Variants in TRIM26 observed in about 807,000 individuals in gnomAD.
TRIM26 encodes tripartite motif containing 26, also known as tripartite motif-containing protein 26.
A neutral mutation model predicts 45.5 loss-of-function variants in TRIM26; 16 were observed. The observed-to-expected ratio is 0.35, with a 90% CI of 0.24 to 0.53. The LOEUF is 0.53. Among genes scored for constraint, TRIM26 ranks in the 20% least tolerant of loss-of-function variants. The pLI is 0.92. For missense variants in TRIM26, 442 were observed against 691.1 expected, an observed-to-expected ratio of 0.64 and a Z score of 4.04; for synonymous variants, 273 against 290.4, an observed-to-expected ratio of 0.94 and a Z score of 0.61.
chr6:30,185,311 C>T lies in TRIM26; in HGVS notation c.*565G>A, dbSNP rs1045073965. 2.0e-5 allele frequency: 3 copies of T among 152,968 alleles called. No homozygotes were observed. Among genetic ancestry groups the T allele is most frequent in the Non-Finnish European group, 2.9e-5 (2 of 68,766 alleles). The allele number at this position is 152,968 out of a possible 1,614,324, so 9.5% of individuals were successfully genotyped here. ...ACTCTGGACCCCATGAGATGATATG[C>T]GCTGGTACTCCAGGCTTTAAATGGC... On this transcript the variant is annotated 3_prime_UTR_variant, in exon 10 of 10. Transcript: ENST00000454678. This position sits in a 1 kb window ranked among gnomAD's most constrained non-coding sequence, Gnocchi z 5.7.
chr6:30,201,652 T>C lies in TRIM26; in HGVS notation c.-265-514A>G, dbSNP rs375957590. ...CAATGTCAGGAGATTGAGACCATCC[T>C]GGCTAACACGGTGAAACCCCATCTC... On this transcript the variant is annotated intron_variant, in intron 2 of 9. Coordinates refer to ENST00000454678, the MANE Select transcript of TRIM26 (RefSeq NM_003449.5). Among the ~76,000 whole-genome samples, 45 of 152,256 alleles carry C rather than the reference T, an allele frequency of 3.0e-4. 5 individuals are homozygous for C. Among genetic ancestry groups the C allele is most frequent in the East Asian group, 2.5e-3 (13 of 5,178 alleles).
chr6:30,208,902 ATATGTG>A (rs1450687743), intron 1 of TRIM26, among the ~76,000 whole-genome samples: 90 of 74,578 alleles, frequency 1.2e-3, no homozygotes, highest in African/African-American at 3.6e-3. Flanking sequence ...GGGATATAGA[ATATGTG>A]TGTGTGTGTG....
At position 30,186,068 on chromosome 6, in the gene TRIM26, G is replaced by A. The variant is rs563566749; in HGVS notation, c.1428C>T (p.Pro476=). 27 of 1,597,714 alleles carry A rather than the reference G, an allele frequency of 1.7e-5. No homozygotes were observed. Among genetic ancestry groups the A allele is most frequent in the Middle Eastern group, 1.7e-4 (1 of 6,046 alleles). ...SSSGIWANTS[P]EAELFPALRP... The stretch of plus-strand genomic sequence containing the variant: ...GCAGTGCTGGGAAAAGCTCAGCCTC[G>A]GGGCTGGTGTTGGCCCAGATGCCGG... Residue 476 remains proline (P), a synonymous_variant, in exon 10 of 10, where the codon CCC becomes CCT. Coordinates refer to ENST00000454678, the MANE Select transcript of TRIM26 (RefSeq NM_003449.5). The surrounding 1 kb of genome is among the most constrained non-coding windows in gnomAD (Gnocchi z 7.4).
chr6:30,187,214 T>A, intron 9 of TRIM26: 1 of 275,110 alleles, frequency 3.6e-6, no homozygotes, highest in Non-Finnish European at 7.5e-6. Flanking sequence ...TATAACAACA[T>A]TTTCAATTTC....
At chr6:30,192,910 G>A (rs1358330289) in intron 6 of TRIM26, among the ~76,000 whole-genome samples, 3 of 151,566 alleles carry the variant, frequency 2.0e-5, no homozygotes, top group Non-Finnish European at 2.9e-5. Context: ...TAAAGAGACT[G>A]TCCCTTCCCC....
chr6:30,187,419 C>A, intron 9 of TRIM26: 1 of 459,578 alleles, frequency 2.2e-6, no homozygotes, highest in East Asian at 6.4e-5. Flanking sequence ...TCCATTTGTT[C>A]CTCTGATCTC....
chr6:30,186,801 T>G lies in TRIM26; in HGVS notation c.938-243A>C. Reference sequence around the variant, plus strand: ...GATATACTGAAATTTAACTTGACTGTTTTCGCTTACGCTCTGATTCCAAAC... The same window carrying G: ...GATATACTGAAATTTAACTTGACTGGTTTCGCTTACGCTCTGATTCCAAAC... On this transcript the variant is annotated intron_variant, in intron 9 of 9. Transcript: ENST00000454678. The surrounding 1 kb of genome is among the most constrained non-coding windows in gnomAD (Gnocchi z 7.4). 1 of 1,106,184 alleles carries G rather than the reference T, an allele frequency of 9.0e-7. No individual in the cohort carries two copies. Among genetic ancestry groups the G allele is most frequent in the Non-Finnish European group, 1.4e-6 (1 of 739,546 alleles). 68.5% of individuals were successfully genotyped at this position (1,106,184 alleles called of 1,614,324 possible).
At chr6:30,187,955 C>T in intron 9 of TRIM26, among the ~76,000 whole-genome samples, 1 of 139,308 alleles carries the variant, frequency 7.2e-6, no homozygotes, top group Non-Finnish European at 1.5e-5. Context: ...CGCGGTGGCT[C>T]ACGCCTGTAA....
rs146463554 is a variant in TRIM26, at chr6:30,187,533, C to T, written c.938-975G>A. On this transcript the variant is annotated intron_variant, in intron 9 of 9. Coordinates refer to ENST00000454678, the MANE Select transcript of TRIM26 (RefSeq NM_003449.5). ...TTGATCTTTAATGTCATATTCAGTC[C>T]GACATCTTTGAAGTAGAAATTGGCG... 7.8e-3 allele frequency: 3,959 copies of T among 509,104 alleles called. 49 individuals are homozygous for T. The highest frequency in any genetic ancestry group is 0.027 in the Middle Eastern group (38 of 1,400). The allele number at this position is 509,104 out of a possible 1,614,324, so 31.5% of individuals were successfully genotyped here.
intron 1 of TRIM26, among the ~76,000 whole-genome samples, chr6:30,210,545 C>G (rs181358943): frequency 4.3e-4 from 66 of 152,308 alleles, no homozygotes; most frequent in Non-Finnish European, 6.8e-4. Context: ...CACAGTGCTT[C>G]ATACAGTAGC....
chr6:30,197,987 C>T (rs1381429896), intron 5 of TRIM26, among the ~76,000 whole-genome samples: 4 of 152,212 alleles, frequency 2.6e-5, no homozygotes, highest in Non-Finnish European at 1.5e-5. Flanking sequence ...CCTGCCTTAG[C>T]TGTTTTCTAG....
rs1778492323 is a variant in TRIM26, at chr6:30,213,359, G to C, written c.-430C>G. 1 of 152,348 alleles carries C rather than the reference G, an allele frequency of 6.6e-6. No individual in the cohort carries two copies. The highest frequency in any genetic ancestry group is 1.5e-5 in the Non-Finnish European group (1 of 68,146). 9.4% of individuals were successfully genotyped at this position (152,348 alleles called of 1,614,324 possible). On this transcript the variant is annotated 5_prime_UTR_variant, in exon 1 of 10. Transcript: ENST00000454678. ...GCCGGCACCCCTCCTCTCTCACGGC[G>C]GTCTGTTCCGGGTCCCGCTCCTGCA...
chr6:30,187,160 A>C, intron 9 of TRIM26: 1 of 281,004 alleles, frequency 3.6e-6, no homozygotes, highest in South Asian at 3.8e-5. Flanking sequence ...GGGTTCTACA[A>C]GCTTCAAGAG....
In TRIM26 at chr6:30,189,328, C is replaced by T. The variant is rs773484872; in HGVS notation, c.904+90G>A. The T allele has an allele frequency of 1.5e-5, 23 of 1,567,980 alleles. No homozygotes were observed. Among genetic ancestry groups the T allele is most frequent in the South Asian group, 3.3e-5 (3 of 90,140 alleles). Reference sequence around the variant, plus strand: ...AAGAGGCCCTCAGAAGAGTGAGGATCGACAAGGTGATGGAAAGGAGCTGGG... The same window carrying T: ...AAGAGGCCCTCAGAAGAGTGAGGATTGACAAGGTGATGGAAAGGAGCTGGG... On this transcript the variant is annotated intron_variant, in intron 8 of 9. Coordinates refer to ENST00000454678, the MANE Select transcript of TRIM26 (RefSeq NM_003449.5). The surrounding 1 kb of genome is among the most constrained non-coding windows in gnomAD (Gnocchi z 5.0).
At chr6:30,188,458 C>A in intron 9 of TRIM26, 1 of 271,798 alleles carries the variant, frequency 3.7e-6, no homozygotes. Context: ...ATTAGAATAA[C>A]CTGATAGGTA....
In TRIM26 at chr6:30,196,839, G is replaced by A. The variant is rs1776531223; in HGVS notation, c.535-93C>T. 12 of 1,232,854 alleles carry A rather than the reference G, an allele frequency of 9.7e-6. No individual in the cohort carries two copies. In the South Asian group the frequency reaches 1.3e-4, roughly 14 times the overall value. 76.4% of individuals were successfully genotyped at this position (1,232,854 alleles called of 1,614,324 possible). ...TGTGCAAGGCTGGCTCGTTCACCTC[G>A]CTACCCCCGTTCAGGAATTCTACAG... On this transcript the variant is annotated intron_variant, in intron 5 of 9. Coordinates refer to ENST00000454678, the MANE Select transcript of TRIM26 (RefSeq NM_003449.5). This position sits in a 1 kb window ranked among gnomAD's most constrained non-coding sequence, Gnocchi z 4.9.
rs1775061240 is a variant in TRIM26, at chr6:30,185,490, A to G, written c.*386T>C. 4.1e-6 allele frequency: 1 copy of G among 246,214 alleles called. No homozygotes were observed. 15.3% of individuals were successfully genotyped at this position (246,214 alleles called of 1,614,324 possible). On this transcript the variant is annotated 3_prime_UTR_variant, in exon 10 of 10. Coordinates refer to ENST00000454678, the MANE Select transcript of TRIM26 (RefSeq NM_003449.5). This position sits in a 1 kb window ranked among gnomAD's most constrained non-coding sequence, Gnocchi z 5.7. ...AACCTGGGGGGTTTAAGGACAGCAA[A>G]ATGATCTTAGGCGTAATTGACTGGT...
In TRIM26 at chr6:30,196,773, G is replaced by T. The variant is rs761232307; in HGVS notation, c.535-27C>A. ...TGCAGGGGGCAGGAAGGGGAGAAGG[G>T]CTGACACCTCTGCTCAGGGTGGAGG... On this transcript the variant is annotated intron_variant, in intron 5 of 9. Transcript: ENST00000454678. The surrounding 1 kb of genome is among the most constrained non-coding windows in gnomAD (Gnocchi z 4.9). The T allele has an allele frequency of 1.2e-6, 2 of 1,611,190 alleles. No homozygotes were observed. The highest frequency in any genetic ancestry group is 2.2e-5 in the South Asian group (2 of 91,004).
At chr6:30,212,312 A>G (rs1388048193) in intron 1 of TRIM26, among the ~76,000 whole-genome samples, 1 of 152,238 alleles carries the variant, frequency 6.6e-6, no homozygotes, top group Non-Finnish European at 1.5e-5. Context: ...ACTAAATGTA[A>G]TGTGGTAACC....
Sources: gnomAD v4.1 joint callset for allele counts (sites outside exome capture counted in the v4.1 genomes callset) on GRCh38, gnomAD v4.1.1 for gene constraint, Gnocchi (gnomAD v3.1) non-coding constraint, MANE v1.5 for transcripts, NCBI Gene and HGNC (gene_info 2026-07-23, HGNC 2026-07-21) for gene names.